The following RELN variants were observed in gnomAD, a reference collection of about 807,000 sequenced individuals.
RELN encodes the protein reelin.
RELN carries 108 observed loss-of-function variants against 427.6 expected under a neutral mutation model. That is an observed-to-expected ratio of 0.25 (90% CI 0.22 to 0.30). The LOEUF (loss-of-function observed/expected upper bound fraction) is 0.30. Ranked by LOEUF, RELN falls within the 10% of genes least tolerant of loss-of-function variation. The probability of loss-of-function intolerance (pLI) is 1.00; values close to 1 mark genes in which losing one functional copy is unlikely to be tolerated. For missense variants in RELN, 3,715 were observed against 4,302.8 expected, an observed-to-expected ratio of 0.86 and a Z score of 3.82; for synonymous variants, 1,524 against 1,513.4, an observed-to-expected ratio of 1.01 and a Z score of -0.16.
chr7:103,868,302 T>G (rs2299387), intron 2 of RELN, among the ~76,000 whole-genome samples: 21,845 of 152,134 alleles, frequency 0.14, 1,879 homozygotes, highest in East Asian at 0.34. Flanking sequence ...AGGGCCATGT[T>G]AATATTTTTA....
intron 34 of RELN, among the ~76,000 whole-genome samples, chr7:103,562,239 C>T (rs1830660763): frequency 1.3e-5 from 2 of 152,232 alleles, no homozygotes; most frequent in Admixed American, 1.3e-4. Flanking sequence ...TTTGAACTAT[C>T]CACTTGTTTT....
intron 20 of RELN, among the ~76,000 whole-genome samples, chr7:103,627,296 G>T (rs1050896782): frequency 6.6e-6 from 1 of 152,074 alleles, no homozygotes; most frequent in African/African-American, 2.4e-5. Context: ...TTTAAAAAAT[G>T]ACAGCTTGTT....
chr7:103,983,664 T>C (rs574014876), intron 1 of RELN, among the ~76,000 whole-genome samples: 2 of 152,320 alleles, frequency 1.3e-5, no homozygotes, highest in Admixed American at 6.5e-5. Context: ...CCCCAATGTT[T>C]TTGAAATGAA....
At chr7:103,864,369 T>G (rs1794143431) in intron 2 of RELN, among the ~76,000 whole-genome samples, 1 of 152,176 alleles carries the variant, frequency 6.6e-6, no homozygotes, top group Admixed American at 6.6e-5. Flanking sequence ...AACTGCAAGT[T>G]GTACAATGCT....
chr7:103,959,994 A>AAAGCCTC (rs1163819228), intron 1 of RELN, among the ~76,000 whole-genome samples: 1 of 152,082 alleles, frequency 6.6e-6, no homozygotes, highest in South Asian at 2.1e-4. Context: ...TAGTATTACA[A>AAAGCCTC]AAGCCTCCTA....
chr7:103,638,918 C>G (rs761631902), intron 17 of RELN, among the ~76,000 whole-genome samples: 2 of 152,168 alleles, frequency 1.3e-5, no homozygotes, highest in African/African-American at 2.4e-5. Flanking sequence ...TGAAGTATAA[C>G]TACTGTAATT....
intron 10 of RELN, among the ~76,000 whole-genome samples, chr7:103,686,152 T>C (rs1165511497): frequency 6.6e-6 from 1 of 152,162 alleles, no homozygotes; most frequent in Non-Finnish European, 1.5e-5. Context: ...AATGAGGGTA[T>C]TGGGCATTTG....
In RELN at chr7:103,605,437, C is replaced by G. The variant is rs550125230; in HGVS notation, c.3009-954G>C. Among the ~76,000 whole-genome samples the G allele has an allele frequency of 2.0e-5, 3 of 152,212 alleles. No homozygotes were observed. In the East Asian group the frequency reaches 5.8e-4, roughly 29 times the overall value. ...TTACACAGACAGAAACACTTGGGCCCTTAATTCACTGAAACGAAATATAAA... is the reference window on the plus strand; with the variant it reads ...TTACACAGACAGAAACACTTGGGCCGTTAATTCACTGAAACGAAATATAAA... On this transcript the variant is annotated intron_variant, in intron 22 of 64. Coordinates refer to ENST00000428762, the MANE Select transcript of RELN (RefSeq NM_005045.4).
At chr7:103,813,042 C>T (rs553520296) in intron 3 of RELN, among the ~76,000 whole-genome samples, 12 of 152,278 alleles carry the variant, frequency 7.9e-5, no homozygotes, top group African/African-American at 2.9e-4. Flanking sequence ...AAACATCTCT[C>T]CGTTTAGTAT....
chr7:103,806,477 A>G (rs1377577520), intron 3 of RELN, among the ~76,000 whole-genome samples: 2 of 152,034 alleles, frequency 1.3e-5, no homozygotes, highest in Admixed American at 6.6e-5. Flanking sequence ...GGCACCCGCC[A>G]CCACACCTGG....
chr7:103,899,745 A>T (rs1795041421), intron 2 of RELN, among the ~76,000 whole-genome samples: 1 of 152,154 alleles, frequency 6.6e-6, no homozygotes, highest in African/African-American at 2.4e-5. Context: ...ACAAAATTCA[A>T]CACCCTTCAT....
chr7:103,521,117 C>T (rs1167082652), intron 48 of RELN, among the ~76,000 whole-genome samples: 2 of 150,628 alleles, frequency 1.3e-5, no homozygotes, highest in Non-Finnish European at 3.0e-5. Context: ...GCTGGGACTA[C>T]AGGCGCCCGC....
chr7:103,551,664 A>T (rs1389821859), intron 40 of RELN, among the ~76,000 whole-genome samples: 1 of 152,070 alleles, frequency 6.6e-6, no homozygotes, highest in East Asian at 1.9e-4. Context: ...CTTCCCCCCC[A>T]TCTAGGTAGG....
At chr7:103,669,592 A>C (rs1157566282) in intron 11 of RELN, among the ~76,000 whole-genome samples, 1 of 151,996 alleles carries the variant, frequency 6.6e-6, no homozygotes, top group East Asian at 1.9e-4. Context: ...CTCTCCAAAT[A>C]TAATAATTAC....
intron 28 of RELN, among the ~76,000 whole-genome samples, chr7:103,578,711 A>T (rs1831059316): frequency 6.6e-6 from 1 of 152,218 alleles, no homozygotes; most frequent in African/African-American, 2.4e-5. Context: ...TATAAAAACT[A>T]GTCACTAAGA....
At chr7:103,940,825 T>A (rs1222651989) in intron 1 of RELN, among the ~76,000 whole-genome samples, 1 of 152,216 alleles carries the variant, frequency 6.6e-6, no homozygotes, top group Non-Finnish European at 1.5e-5. Context: ...GTTTCCACAG[T>A]TATTTTGTTA....
intron 61 of RELN, among the ~76,000 whole-genome samples, chr7:103,485,751 A>ACCAT (rs3840642): frequency 1.4e-4 from 14 of 99,298 alleles, no homozygotes; most frequent in Non-Finnish European, 2.4e-4. Context: ...TATCCATCCA[A>ACCAT]CCATCCATCC....
intron 1 of RELN, among the ~76,000 whole-genome samples, chr7:103,917,953 TTA>T (rs1345082511): frequency 6.6e-6 from 1 of 152,108 alleles, no homozygotes; most frequent in Non-Finnish European, 1.5e-5. Flanking sequence ...TGCATAGGTT[TTA>T]TAAGATTGAG....
At chr7:103,594,973 C>T (rs1323180362) in intron 25 of RELN, among the ~76,000 whole-genome samples, 1 of 152,152 alleles carries the variant, frequency 6.6e-6, no homozygotes, top group Admixed American at 6.5e-5. Context: ...TGTATCTCTT[C>T]ACAGCTTATA....
Sources: gnomAD v4.1 joint callset for allele counts (sites outside exome capture counted in the v4.1 genomes callset) on GRCh38, gnomAD v4.1.1 for gene constraint, MANE v1.5 for transcripts, NCBI Gene and HGNC (gene_info 2026-07-23, HGNC 2026-07-21) for gene names.